PKD1L1: variants seen among roughly 807,000 people sequenced by gnomAD.
The protein encoded by PKD1L1 is polycystin-1-like protein 1.
Under a neutral mutation model 323.4 loss-of-function variants are expected in PKD1L1, and 236 were observed. The observed-to-expected ratio is 0.73, with a 90% CI of 0.66 to 0.81. The LOEUF is 0.81. Ranked by LOEUF, PKD1L1 falls within the 40% of genes least tolerant of loss-of-function variation. PKD1L1 has a pLI of 0.00. For synonymous variants in PKD1L1, 1,344 were observed against 1,335.0 expected (o/e 1.01, Z -0.15); for missense variants, 3,320 against 3,508.0 (o/e 0.95, Z 1.35).
chr7:47,915,299 C>T (rs1787403983), intron 8 of PKD1L1, 133 bp downstream of exon 8: 4 of 581,246 alleles, frequency 6.9e-6, no homozygotes, highest in Non-Finnish European at 1.2e-5. Flanking sequence ...ATGCCACACA[C>T]AGGACACCGT....
At position 47,943,397 on chromosome 7, in the gene PKD1L1, G is replaced by T; in HGVS notation, c.159C>A (p.Val53=). Residue 53 remains valine, a splice_region_variant and synonymous_variant, in exon 2 of 57, where the codon GTC becomes GTA. Transcript: ENST00000289672. The part of the protein sequence containing the change: ...SCSPPGGGLW[V]EVYANHVLLM... ...ATGCCTCCTTCCCCAAGGCCTTACCGACCCACAATCCACCTCCAGGAGGGC... is the reference window on the plus strand; with the variant it reads ...ATGCCTCCTTCCCCAAGGCCTTACCTACCCACAATCCACCTCCAGGAGGGC... 6.2e-7 allele frequency: 1 copy of T among 1,611,744 alleles called. No individual in the cohort carries two copies. Among genetic ancestry groups the T allele is most frequent in the South Asian group, 1.1e-5 (1 of 90,894 alleles).
In PKD1L1 at chr7:47,836,990, G is replaced by C. The variant is rs780143850; in HGVS notation, c.5874C>G (p.Thr1958=). The stretch of plus-strand genomic sequence containing the variant: ...AGACGCACAGCAGGGAGAAGGACAC[G>C]GTGAGGCGCGGCGTGTGCAGGTAGC... ...SSRYLHTPRL[T]VSFSLLCVYA... The change falls in exon 37 of 57, where the codon ACC becomes ACG. Residue 1958 remains threonine (T), a synonymous_variant. Transcript: ENST00000289672. 1 of 1,614,206 alleles carries C rather than the reference G, an allele frequency of 6.2e-7. No homozygotes were observed. The highest frequency in any genetic ancestry group is 2.2e-5 in the East Asian group (1 of 44,888).
chr7:47,856,083 G>A (rs1785898301), intron 28 of PKD1L1, among the ~76,000 whole-genome samples: 1 of 151,836 alleles, frequency 6.6e-6, no homozygotes, highest in Admixed American at 6.6e-5. Context: ...TGTCGCCCAG[G>A]CTGGAGTGCA....
chr7:47,789,892 T>G (rs1335487095), intron 56 of PKD1L1, among the ~76,000 whole-genome samples: 1 of 152,160 alleles, frequency 6.6e-6, no homozygotes, highest in Non-Finnish European at 1.5e-5. Flanking sequence ...TTTATTTTAT[T>G]TATTATTTAT....
chr7:47,907,519 G>A (rs577155416), intron 9 of PKD1L1, among the ~76,000 whole-genome samples: 1 of 152,190 alleles, frequency 6.6e-6, no homozygotes, highest in Non-Finnish European at 1.5e-5. Context: ...GATAAAGTGG[G>A]GTGACACGAG....
At position 47,834,218 on chromosome 7, in the gene PKD1L1, C is replaced by T. The variant is rs984405622; in HGVS notation, c.6174+121G>A. 2.8e-5 allele frequency: 27 copies of T among 979,614 alleles called. No individual in the cohort carries two copies. The Middle Eastern group carries it at 1.5e-3, about 56-fold the overall frequency. 60.7% of individuals were successfully genotyped at this position (979,614 alleles called of 1,614,324 possible). A position where few individuals can be genotyped will look rare whatever the true frequency, so the allele number is the denominator to read the frequency against. On this transcript the variant is annotated intron_variant, in intron 40 of 56. Transcript: ENST00000289672. ...TCTTGCATTGATCTTTTCCTGTGTC[C>T]GTCTCACCTTGAGCCTGACCCATCC...
At chr7:47,956,496 G>A in the PKD1L1 span, among the ~76,000 whole-genome samples, 1 of 152,166 alleles carries the variant, frequency 6.6e-6, no homozygotes, top group Non-Finnish European at 1.5e-5. Context: ...GGCACTACAC[G>A]GGCTGTAGCG....
chr7:47,865,417 T>G, intron 25 of PKD1L1, 145 bp from the exon 26 acceptor site: 1 of 668,062 alleles, frequency 1.5e-6, no homozygotes, highest in South Asian at 1.9e-5. Flanking sequence ...AGGCCAGACC[T>G]TCTGTACAGA....
At chr7:47,835,958 G>A (rs1329029765) in intron 37 of PKD1L1, among the ~76,000 whole-genome samples, 2 of 152,096 alleles carry the variant, frequency 1.3e-5, no homozygotes, top group Admixed American at 1.3e-4. Context: ...ATCCAGCAAG[G>A]CATCAACCCA....
intron 37 of PKD1L1, among the ~76,000 whole-genome samples, chr7:47,835,768 A>T (rs1785444757): frequency 6.6e-6 from 1 of 152,148 alleles, no homozygotes; most frequent in South Asian, 2.1e-4. Context: ...CTATATATAG[A>T]ACTGATATGA....
At chr7:47,949,184 C>A (rs562543511), upstream of PKD1L1, among the ~76,000 whole-genome samples, 186 of 151,282 alleles carry the variant, frequency 1.2e-3, no homozygotes, top group Non-Finnish European at 2.5e-3. Flanking sequence ...GCCTGGCCAG[C>A]ATAGTGAAAC....
At chr7:47,872,831 AACCACAC>A (rs1786311428) in intron 24 of PKD1L1, among the ~76,000 whole-genome samples, 1 of 152,212 alleles carries the variant, frequency 6.6e-6, no homozygotes. Context: ...AGGAAAATGA[AACCACAC>A]ACTCACACAA....
At chr7:47,947,233 T>C (rs1431899603) in intron 1 of PKD1L1, among the ~76,000 whole-genome samples, 2 of 152,240 alleles carry the variant, frequency 1.3e-5, no homozygotes, top group African/African-American at 4.8e-5. Flanking sequence ...GTTTCTTTGA[T>C]AAAATGATGG....
At chr7:47,814,252 C>T (rs781612868) in intron 47 of PKD1L1, among the ~76,000 whole-genome samples, 2 of 152,222 alleles carry the variant, frequency 1.3e-5, no homozygotes, top group East Asian at 3.8e-4. Context: ...TCGTAACTTT[C>T]GTCACATGAG....
intron 56 of PKD1L1, among the ~76,000 whole-genome samples, chr7:47,787,640 T>C (rs900873398): frequency 6.6e-6 from 1 of 152,204 alleles, no homozygotes; most frequent in Non-Finnish European, 1.5e-5. Context: ...AGCTATAAAA[T>C]ATATAAACAA....
intron 8 of PKD1L1, among the ~76,000 whole-genome samples, chr7:47,909,311 C>A (rs12534886): frequency 0.71 from 108,362 of 152,090 alleles, 39,637 homozygotes; most frequent in African/African-American, 0.89. Context: ...AGCTGGTTCC[C>A]ATCACTCATC....
At chr7:47,775,233 G>A (rs1174940684) in intron 56 of PKD1L1, 67 bp from the exon 57 acceptor site, 2 of 1,590,230 alleles carry the variant, frequency 1.3e-6, no homozygotes, top group Non-Finnish European at 1.7e-6. Context: ...AGAACAAATA[G>A]GCAGAAAGGC....
rs1198626025 is a variant in PKD1L1, at chr7:47,812,028, G to A, written c.7370C>T (p.Ser2457Phe). 3 of 1,568,218 alleles carry A rather than the reference G, an allele frequency of 1.9e-6. No individual in the cohort carries two copies. ...AATCCACATGCTGGCCCTGAGTCGG[G>A]ACAGGGCTGTGTGGGCTTCAGTCCT... ...RTRTEAHTALSRLRASMWIDR... is the reference protein window; with the variant it reads ...RTRTEAHTALFRLRASMWIDR... The change falls in exon 50 of 57, where the codon TCC (serine) becomes TTC (phenylalanine). Residue 2457 changes from serine (S) to phenylalanine (F), a missense_variant. Physicochemically the swap from Ser to Phe is radical, Grantham distance 155 (BLOSUM62 -2). Transcript: ENST00000289672.
intron 19 of PKD1L1, 94 bp from the exon 20 acceptor site, chr7:47,882,179 T>C: frequency 3.1e-6 from 4 of 1,286,100 alleles, no homozygotes; most frequent in Non-Finnish European, 4.4e-6. Flanking sequence ...AATAACTATT[T>C]GTACTATTGC....
Sources: allele counts gnomAD v4.1 joint callset (sites outside exome capture counted in the v4.1 genomes callset), GRCh38; gene constraint gnomAD v4.1.1; transcripts MANE v1.5; gene names NCBI Gene and HGNC (gene_info 2026-07-23, HGNC 2026-07-21).